Variants in C4orf36 observed in about 807,000 individuals in gnomAD.
C4orf36 encodes uncharacterized protein C4orf36.
In C4orf36, 11 loss-of-function variants were observed where a neutral mutation model predicts 12.2. The ratio of observed to expected loss-of-function variants is 0.90; its 90% CI spans 0.57 to 1.49. The LOEUF (loss-of-function observed/expected upper bound fraction) is 1.49. Among genes scored for constraint, C4orf36 ranks in the 40% most tolerant of loss-of-function variants. The probability of loss-of-function intolerance (pLI) is 0.00; values close to 1 mark genes in which losing one functional copy is unlikely to be tolerated. For missense variants in C4orf36, 137 were observed against 133.9 expected (o/e 1.02, Z -0.11); for synonymous variants, 54 against 51.3 (o/e 1.05, Z -0.22).
chr4:86,925,538 T>C, the C4orf36 span: 1 of 151,424 alleles, frequency 6.6e-6, no homozygotes, highest in Non-Finnish European at 1.5e-5. Context: ...ACAATTTGAA[T>C]GATAATTTAT....
In C4orf36 at chr4:86,887,887, T is replaced by C. The variant is rs749941191; in HGVS notation, c.227A>G (p.Lys76Arg). ...CTTCACTTCATACTCCCTTTCGAGTTTGATAGCTGAAAAAGAAAATACACA... is the reference window on the plus strand; with the variant it reads ...CTTCACTTCATACTCCCTTTCGAGTCTGATAGCTGAAAAAGAAAATACACA... ...DGLLPSAESI[K>R]LEREYEVKRL... Residue 76 changes from lysine (K) to arginine (R), a missense_variant, in exon 4 of 5, where the codon AAA becomes AGA. Lys to Arg is a conservative substitution (Grantham distance 26). Transcript: ENST00000295898. 6 of 1,614,030 alleles carry C rather than the reference T, an allele frequency of 3.7e-6. No homozygotes were observed. The highest frequency in any genetic ancestry group is 2.2e-5 in the South Asian group (2 of 91,048).
At chr4:86,914,338 T>C in the C4orf36 span, 1 of 1,523,484 alleles carries the variant, frequency 6.6e-7, no homozygotes, top group Non-Finnish European at 9.1e-7. Context: ...ATATGTCCGT[T>C]GTGCTCCTTG....
chr4:86,903,873 A>G, the C4orf36 span, among the ~76,000 whole-genome samples: 2 of 152,252 alleles, frequency 1.3e-5, no homozygotes, highest in Middle Eastern at 3.4e-3. Context: ...TTACTTAGCT[A>G]GACACAAAAT....
At position 86,876,391 on chromosome 4, in the gene C4orf36, A is replaced by G. The variant is rs1578771630; in HGVS notation, c.*55T>C. On this transcript the variant is annotated 3_prime_UTR_variant, in exon 5 of 5. Transcript: ENST00000295898. ...AGCGGGTCCTGGGCGGCCCAGGAGA[A>G]GCAGTTCCCGCCGGCGCTGCTGAGT... The G allele has an allele frequency of 6.2e-7, 1 of 1,608,916 alleles. No individual in the cohort carries two copies. Among genetic ancestry groups the G allele is most frequent in the Non-Finnish European group, 8.5e-7 (1 of 1,177,944 alleles).
the C4orf36 span, among the ~76,000 whole-genome samples, chr4:86,905,583 G>T: frequency 6.6e-6 from 1 of 152,076 alleles, no homozygotes; most frequent in Non-Finnish European, 1.5e-5. Context: ...CATCTGGTAT[G>T]AAATGTTAGA....
the C4orf36 span, chr4:86,914,377 C>T: frequency 1.9e-5 from 19 of 998,502 alleles, no homozygotes; most frequent in South Asian, 1.0e-4. Context: ...CCCCGGCTCC[C>T]GTTCTTCTTC....
chr4:86,889,768 T>G (rs1174910684), intron 2 of C4orf36, among the ~76,000 whole-genome samples: 2 of 152,030 alleles, frequency 1.3e-5, no homozygotes, highest in African/African-American at 4.8e-5. Flanking sequence ...AATCAAAAAA[T>G]TAGCCGAATG....
At chr4:86,914,384 CTTCTTCCTTTTTTT>C in the C4orf36 span, 369 of 511,436 alleles carry the variant, frequency 7.2e-4, 1 homozygote, top group African/African-American at 7.8e-3. Flanking sequence ...TCCCGTTCTT[CTTCTTCCTTTTTTT>C]TTTTTTTTTT....
the C4orf36 span, among the ~76,000 whole-genome samples, chr4:86,903,679 G>A: frequency 6.6e-6 from 1 of 152,172 alleles, no homozygotes; most frequent in Non-Finnish European, 1.5e-5. Flanking sequence ...AGTTGCCGCT[G>A]CTTGCTCTGG....
the C4orf36 span, among the ~76,000 whole-genome samples, chr4:86,905,710 C>CTT: frequency 2.5e-4 from 35 of 138,724 alleles, no homozygotes; most frequent in African/African-American, 6.8e-4. Context: ...TTCTGAGGTC[C>CTT]TTTTTTTTTT....
chr4:86,914,236 A>G, the C4orf36 span: 1 of 1,600,826 alleles, frequency 6.2e-7, no homozygotes. Flanking sequence ...GTTGGCTTAC[A>G]GACACCATCT....
chr4:86,921,412 T>C, the C4orf36 span, among the ~76,000 whole-genome samples: 8 of 152,180 alleles, frequency 5.3e-5, no homozygotes, highest in Non-Finnish European at 4.4e-5. Flanking sequence ...ATATCAACCA[T>C]GGTCTCGTCA....
upstream of C4orf36, among the ~76,000 whole-genome samples, chr4:86,894,441 G>C (rs1392172601): frequency 6.6e-6 from 1 of 152,088 alleles, no homozygotes; most frequent in Non-Finnish European, 1.5e-5. Context: ...AAAAAACAGA[G>C]ACAGAGAAGT....
At chr4:86,882,802 G>T (rs753658686) in intron 4 of C4orf36, among the ~76,000 whole-genome samples, 5 of 152,142 alleles carry the variant, frequency 3.3e-5, no homozygotes, top group Non-Finnish European at 7.3e-5. Context: ...ACATGTGCTT[G>T]ACTACCTTCA....
chr4:86,880,862 CA>C lies in C4orf36; in HGVS notation c.*3-4420del, dbSNP rs572371949. Among the ~76,000 whole-genome samples, 70 of 152,030 alleles carry C rather than the reference CA, an allele frequency of 4.6e-4. 1 individual carries two copies. The highest frequency in any genetic ancestry group is 1.7e-3 in the African/African-American group (69 of 41,478). On this transcript the variant is annotated intron_variant, in intron 4 of 4. Transcript: ENST00000295898. Reference sequence around the variant, plus strand: ...TTTGAGACAAGGCTGGTCAACATGGCAAAATCCTGTCTCTACTAAAATTAGC... The same window carrying C: ...TTTGAGACAAGGCTGGTCAACATGGCAAATCCTGTCTCTACTAAAATTAGC...
At position 86,876,276 on chromosome 4, in the gene C4orf36, A is replaced by G. The variant is rs1024295017; in HGVS notation, c.*170T>C. ...AACTGAGTTCCACTGAAATTAAGAG[A>G]TTTTCTCGGTCTCTGGGCGGGCCGT... On this transcript the variant is annotated 3_prime_UTR_variant, in exon 5 of 5. Coordinates refer to ENST00000295898, the MANE Select transcript of C4orf36 (RefSeq NM_144645.4). 2.3e-6 allele frequency: 2 copies of G among 862,826 alleles called. No individual in the cohort carries two copies. Among genetic ancestry groups the G allele is most frequent in the Admixed American group, 3.3e-5 (1 of 30,560 alleles). 53.4% of individuals were successfully genotyped at this position (862,826 alleles called of 1,614,324 possible).
At chr4:86,935,493 T>G in the C4orf36 span, 1 of 152,520 alleles carries the variant, frequency 6.6e-6, no homozygotes, top group Admixed American at 6.5e-5. Flanking sequence ...GACGGGGACA[T>G]GGGAAGAGAC....
the C4orf36 span, chr4:86,913,932 C>T: frequency 1.4e-6 from 2 of 1,417,104 alleles, no homozygotes; most frequent in East Asian, 4.7e-5. Context: ...TCACGCCATT[C>T]TCCTGCCTCA....
chr4:86,892,011 C>T lies in C4orf36; in HGVS notation c.-74+172G>A. 3 of 987,830 alleles carry T rather than the reference C, an allele frequency of 3.0e-6. No homozygotes were observed. The African/African-American group carries it at 5.2e-5, about 17-fold the overall frequency. The allele number at this position is 987,830 out of a possible 1,614,324, so 61.2% of individuals were successfully genotyped here. A position where few individuals can be genotyped will look rare whatever the true frequency, so the allele number is the denominator to read the frequency against. ...GTTTTCCCTCATTCAAAACACTCAG[C>T]ACCACTCCCGCGTCCCCGCCCTTGC... On this transcript the variant is annotated intron_variant, in intron 1 of 4. Transcript: ENST00000295898.
Sources: allele counts gnomAD v4.1 joint callset (sites outside exome capture counted in the v4.1 genomes callset), GRCh38; gene constraint gnomAD v4.1.1; transcripts MANE v1.5; gene names NCBI Gene and HGNC (gene_info 2026-07-23, HGNC 2026-07-21).